Variants in SLC45A4 observed in about 807,000 individuals in gnomAD.
SLC45A4 encodes solute carrier family 45 member 4.
A neutral mutation model predicts 63.7 loss-of-function variants in SLC45A4; 32 were observed. The ratio of observed to expected loss-of-function variants is 0.50; its 90% confidence interval spans 0.38 to 0.67. The LOEUF is 0.67. Among genes scored for constraint, SLC45A4 ranks in the 30% least tolerant of loss-of-function variants. The pLI, the probability that SLC45A4 is intolerant of heterozygous loss-of-function variation, is 0.00. For synonymous variants in SLC45A4, 535 were observed against 510.0 expected, an observed-to-expected ratio of 1.05 and a Z score of -0.66; for missense variants, 1,027 against 1,157.7, an observed-to-expected ratio of 0.89 and a Z score of 1.64.
At chr8:141,235,313 C>T (rs532778316) in intron 2 of SLC45A4, among the ~76,000 whole-genome samples, 7 of 152,166 alleles carry the variant, frequency 4.6e-5, no homozygotes, top group South Asian at 2.1e-4. Flanking sequence ...AAATCATGAG[C>T]GTCAGGTTAC....
At chr8:141,307,797 C>G (rs1830944730) in intron 1 of SLC45A4, among the ~76,000 whole-genome samples, 1 of 120,228 alleles carries the variant, frequency 8.3e-6, no homozygotes. Context: ...AGGCGCGCGC[C>G]CCGGGGTGGG....
At chr8:141,244,968 G>GGGGGGGGGGGGGGGGGGGGC (rs1569558620) in intron 2 of SLC45A4, among the ~76,000 whole-genome samples, 4 of 71,836 alleles carry the variant, frequency 5.6e-5, no homozygotes, top group Admixed American at 1.3e-4. Context: ...GGGGGGGGGG[G>GGGGGGGGGGGGGGGGGGGGC]GCGGTGTGGA....
At chr8:141,299,420 TAG>T (rs991326455) in intron 1 of SLC45A4, among the ~76,000 whole-genome samples, 11 of 152,226 alleles carry the variant, frequency 7.2e-5, no homozygotes, top group African/African-American at 2.7e-4. Context: ...CCTGTCACAC[TAG>T]AGACACCAGC....
At chr8:141,263,122 C>A (rs1204764133) in intron 1 of SLC45A4, among the ~76,000 whole-genome samples, 3 of 149,414 alleles carry the variant, frequency 2.0e-5, no homozygotes, top group Non-Finnish European at 4.4e-5. Context: ...GGACAAAAAA[C>A]CAAACACCAC....
At position 141,217,551 on chromosome 8, in the gene SLC45A4, G is replaced by A. The variant is rs967830833; in HGVS notation, c.1630-362C>T. ...AGCTCAGACTGGACCAGAAAGGGAG[G>A]GACCGTATGGAGACAGGAGGCCCGA... On this transcript the variant is annotated intron_variant, in intron 5 of 8. Transcript: ENST00000517878. Among the ~76,000 whole-genome samples the A allele has an allele frequency of 5.3e-5, 8 of 152,174 alleles. No homozygotes were observed. In the South Asian group the frequency reaches 1.7e-3, roughly 32 times the overall value.
chr8:141,266,119 G>A (rs1486392136), intron 1 of SLC45A4, among the ~76,000 whole-genome samples: 5 of 152,182 alleles, frequency 3.3e-5, no homozygotes, highest in African/African-American at 7.2e-5. Context: ...CAGTCCCAGC[G>A]TTCAACAGCG....
At chr8:141,296,753 T>G (rs1171747996) in intron 1 of SLC45A4, among the ~76,000 whole-genome samples, 1 of 149,486 alleles carries the variant, frequency 6.7e-6, no homozygotes, top group Non-Finnish European at 1.5e-5. Context: ...GGAGAATCGC[T>G]TGTACCCACG....
chr8:141,221,410 C>T (rs1309465324), intron 3 of SLC45A4, among the ~76,000 whole-genome samples, 167 bp downstream of exon 3: 2 of 152,270 alleles, frequency 1.3e-5, no homozygotes, highest in African/African-American at 4.8e-5. Flanking sequence ...GGGCCAGCTT[C>T]GGCGCTGCCA....
chr8:141,255,786 G>A (rs1238096221), intron 1 of SLC45A4, among the ~76,000 whole-genome samples: 1 of 152,100 alleles, frequency 6.6e-6, no homozygotes, highest in Non-Finnish European at 1.5e-5. Context: ...AGGAGGCTGG[G>A]TGGAATGAGC....
At chr8:141,249,453 T>TA (rs1828365337) in intron 2 of SLC45A4, among the ~76,000 whole-genome samples, 2 of 152,180 alleles carry the variant, frequency 1.3e-5, no homozygotes, top group Non-Finnish European at 2.9e-5. Flanking sequence ...AGCATTATGC[T>TA]AAGTGACAAG....
At chr8:141,285,861 T>C (rs923514174) in intron 1 of SLC45A4, among the ~76,000 whole-genome samples, 11 of 152,282 alleles carry the variant, frequency 7.2e-5, no homozygotes, top group South Asian at 2.1e-4. Flanking sequence ...CTAGCCATGG[T>C]CCCAGTAGGG....
At chr8:141,305,177 A>T (rs1329235298) in intron 1 of SLC45A4, among the ~76,000 whole-genome samples, 2 of 152,234 alleles carry the variant, frequency 1.3e-5, no homozygotes, top group Non-Finnish European at 2.9e-5. Context: ...ACATTTAAAA[A>T]GATCCTTGTT....
chr8:141,296,014 T>C (rs1321898109), intron 1 of SLC45A4, among the ~76,000 whole-genome samples: 1 of 151,306 alleles, frequency 6.6e-6, no homozygotes. Flanking sequence ...CTGGGCAACA[T>C]GGTGAGACCC....
At chr8:141,255,144 G>A (rs1236136921) in intron 1 of SLC45A4, among the ~76,000 whole-genome samples, 17 of 152,176 alleles carry the variant, frequency 1.1e-4, no homozygotes, top group Admixed American at 1.1e-3. Flanking sequence ...CCAGGCTGGA[G>A]TGCGGTCACA....
At chr8:141,235,163 C>T (rs189651969) in intron 2 of SLC45A4, among the ~76,000 whole-genome samples, 6 of 152,300 alleles carry the variant, frequency 3.9e-5, no homozygotes, top group African/African-American at 9.6e-5. Flanking sequence ...CCGAAGCCCC[C>T]GACCCACAGC....
intron 2 of SLC45A4, among the ~76,000 whole-genome samples, chr8:141,245,490 C>G (rs1828145699): frequency 6.6e-6 from 1 of 152,158 alleles, no homozygotes; most frequent in Non-Finnish European, 1.5e-5. Flanking sequence ...TTCCCAGAGC[C>G]CCCTTTACTG....
chr8:141,217,880 C>A, intron 5 of SLC45A4, 131 bp downstream of exon 5: 1 of 1,150,854 alleles, frequency 8.7e-7, no homozygotes, highest in Non-Finnish European at 1.2e-6. Context: ...CTCACCTGCA[C>A]GGGAGGCACT....
intron 1 of SLC45A4, among the ~76,000 whole-genome samples, chr8:141,297,837 G>T (rs1325292335): frequency 6.6e-6 from 1 of 152,096 alleles, no homozygotes; most frequent in Admixed American, 6.5e-5. Flanking sequence ...AATTTGATTA[G>T]CTTTAAACAT....
intron 2 of SLC45A4, among the ~76,000 whole-genome samples, chr8:141,244,189 G>A (rs529231502): frequency 2.0e-4 from 31 of 152,288 alleles, no homozygotes; most frequent in Non-Finnish European, 3.7e-4. Flanking sequence ...AGTGCTGACT[G>A]GTAACACCTG....
Sources: gnomAD v4.1 joint callset for allele counts (sites outside exome capture counted in the v4.1 genomes callset) on GRCh38, gnomAD v4.1.1 for gene constraint, MANE v1.5 for transcripts, NCBI Gene and HGNC (gene_info 2026-07-23, HGNC 2026-07-21) for gene names.